Variants in BRINP3 observed in about 807,000 individuals in gnomAD.
BRINP3 encodes BMP/retinoic acid inducible neural specific 3, also known as BMP/retinoic acid-inducible neural-specific protein 3.
In BRINP3, 19 loss-of-function variants were observed where a neutral mutation model predicts 71.0. The ratio of observed to expected loss-of-function variants is 0.27; its 90% CI spans 0.19 to 0.39. The LOEUF (loss-of-function observed/expected upper bound fraction) is 0.39. BRINP3 is among the 10% of genes least tolerant of loss of function. The pLI is 1.00. For synonymous variants in BRINP3, 380 were observed against 337.7 expected (o/e 1.13, Z -1.37); for missense variants, 959 against 940.8 (o/e 1.02, Z -0.25).
chr1:190,376,217 C>A (rs909772371), intron 2 of BRINP3, among the ~76,000 whole-genome samples: 1 of 151,856 alleles, frequency 6.6e-6, no homozygotes, highest in African/African-American at 2.4e-5. Context: ...GGTTAAATAG[C>A]TGATTACCTT....
chr1:190,174,338 A>T (rs1652295490), intron 6 of BRINP3, among the ~76,000 whole-genome samples: 1 of 152,164 alleles, frequency 6.6e-6, no homozygotes, highest in South Asian at 2.1e-4. Context: ...CTCTGTGGAA[A>T]GTAATATTGA....
intron 2 of BRINP3, among the ~76,000 whole-genome samples, chr1:190,326,746 A>C (rs778845482): frequency 1.3e-5 from 2 of 152,114 alleles, no homozygotes; most frequent in Non-Finnish European, 2.9e-5. Context: ...CCAGACAAAC[A>C]AGCACTAAAA....
At chr1:190,184,511 TAA>T (rs1653330852) in intron 6 of BRINP3, among the ~76,000 whole-genome samples, 1 of 152,010 alleles carries the variant, frequency 6.6e-6, no homozygotes, top group Admixed American at 6.6e-5. Context: ...ATTAGATAAA[TAA>T]AATGTGGTCC....
chr1:190,203,166 GAGTA>G (rs1032498043), intron 6 of BRINP3, among the ~76,000 whole-genome samples: 69 of 152,044 alleles, frequency 4.5e-4, no homozygotes, highest in African/African-American at 1.5e-3. Flanking sequence ...CTTTCACAAA[GAGTA>G]AGTAAGACAC....
chr1:190,229,928 A>G (rs936680909), intron 5 of BRINP3, among the ~76,000 whole-genome samples: 7 of 152,032 alleles, frequency 4.6e-5, no homozygotes, highest in African/African-American at 1.7e-4. Flanking sequence ...TTTCAATCAC[A>G]TGATCAAAAA....
At chr1:190,106,318 TTTA>T (rs1431340543) in intron 7 of BRINP3, among the ~76,000 whole-genome samples, 2 of 151,840 alleles carry the variant, frequency 1.3e-5, no homozygotes, top group African/African-American at 4.8e-5. Context: ...ATTTCATAAT[TTTA>T]TTATCATAAA....
At chr1:190,266,289 TA>T (rs1381300750) in intron 3 of BRINP3, among the ~76,000 whole-genome samples, 3 of 152,172 alleles carry the variant, frequency 2.0e-5, no homozygotes, top group Non-Finnish European at 4.4e-5. Flanking sequence ...ATATCAATTT[TA>T]AAATGACATA....
chr1:190,389,270 C>T (rs1671098708), intron 2 of BRINP3, among the ~76,000 whole-genome samples: 1 of 151,566 alleles, frequency 6.6e-6, no homozygotes, highest in Non-Finnish European at 1.5e-5. Flanking sequence ...CTTTCCCTAC[C>T]ATCCAATCTA....
intron 7 of BRINP3, among the ~76,000 whole-genome samples, chr1:190,103,009 C>A (rs564367169): frequency 4.1e-4 from 63 of 151,974 alleles, no homozygotes; most frequent in African/African-American, 1.5e-3. Flanking sequence ...CTTTGTTCAA[C>A]CTATAATATT....
At chr1:190,103,662 T>C (rs1282072989) in intron 7 of BRINP3, among the ~76,000 whole-genome samples, 1 of 152,006 alleles carries the variant, frequency 6.6e-6, no homozygotes, top group Non-Finnish European at 1.5e-5. Context: ...TGGAGGAATA[T>C]GTCTACAAGA....
chr1:190,390,607 T>C (rs947798145), intron 2 of BRINP3, among the ~76,000 whole-genome samples: 1 of 151,642 alleles, frequency 6.6e-6, no homozygotes, highest in Non-Finnish European at 1.5e-5. Context: ...ATAATAATGA[T>C]ATTTAAATCT....
chr1:190,188,949 TG>T (rs917734633), intron 6 of BRINP3, among the ~76,000 whole-genome samples: 2 of 151,832 alleles, frequency 1.3e-5, no homozygotes, highest in East Asian at 3.9e-4. Flanking sequence ...TTAGTGGAGA[TG>T]GGGGTCTCAC....
intron 6 of BRINP3, among the ~76,000 whole-genome samples, chr1:190,167,898 T>C (rs1483823490): frequency 6.6e-6 from 1 of 152,138 alleles, no homozygotes; most frequent in Non-Finnish European, 1.5e-5. Flanking sequence ...AAGCATTAAA[T>C]GCATGGGTAA....
At chr1:190,166,163 A>G (rs1651517451) in intron 6 of BRINP3, among the ~76,000 whole-genome samples, 2 of 152,180 alleles carry the variant, frequency 1.3e-5, no homozygotes, top group South Asian at 4.1e-4. Flanking sequence ...CTGACAAAAT[A>G]CTATAATGCT....
intron 2 of BRINP3, among the ~76,000 whole-genome samples, chr1:190,397,782 C>A (rs1281836034): frequency 6.6e-6 from 1 of 151,578 alleles, no homozygotes; most frequent in African/African-American, 2.4e-5. Flanking sequence ...TAAAAATCTC[C>A]TTACAATTTA....
At chr1:190,246,019 T>G (rs1336345563) in intron 4 of BRINP3, among the ~76,000 whole-genome samples, 1 of 152,012 alleles carries the variant, frequency 6.6e-6, no homozygotes, top group Non-Finnish European at 1.5e-5. Context: ...GACATTTAGG[T>G]TGGTTCCAAG....
rs35090212 is a variant in BRINP3, at chr1:190,141,555, CTTTTTTTTTTTT to C, written c.1184+19101_1184+19112del. Among the ~76,000 whole-genome samples, 82 of 82,420 alleles carry C rather than the reference CTTTTTTTTTTTT, an allele frequency of 9.9e-4. No individual in the cohort carries two copies. The South Asian group carries it at 0.016, about 16-fold the overall frequency. 54.1% of individuals were successfully genotyped at this position (82,420 alleles called of 152,430 possible). A position where few individuals can be genotyped will look rare whatever the true frequency, so the allele number is the denominator to read the frequency against. On this transcript the variant is annotated intron_variant, in intron 7 of 7. Transcript: ENST00000367462. ...CTTTCTCTCTCTCTTTCTTTCTTTC[CTTTTTTTTTTTT>C]TTTTTTTTTTTTGAGACAGAGTCTT...
intron 3 of BRINP3, among the ~76,000 whole-genome samples, chr1:190,275,481 T>A (rs1345193065): frequency 6.6e-6 from 1 of 151,672 alleles, no homozygotes; most frequent in Admixed American, 6.6e-5. Flanking sequence ...AAACTGATGC[T>A]GATGCTTTTC....
In BRINP3 at chr1:190,234,364, C is replaced by T. The variant is rs1658315061; in HGVS notation, c.724+8G>A. 3 of 1,592,246 alleles carry T rather than the reference C, an allele frequency of 1.9e-6. No homozygotes were observed. The highest frequency in any genetic ancestry group is 2.7e-5 in the African/African-American group (2 of 74,488). ...TTGTAGAGAATTAATGAAATTTTAC[C>T]AACATACCTTGCAACTGAATCTTAT... is the stretch of plus-strand genomic sequence containing the variant. On this transcript the variant is annotated splice_region_variant and intron_variant, in intron 5 of 7. Coordinates refer to ENST00000367462, the MANE Select transcript of BRINP3 (RefSeq NM_199051.3).
Sources: gnomAD v4.1 joint callset for allele counts (sites outside exome capture counted in the v4.1 genomes callset) on GRCh38, gnomAD v4.1.1 for gene constraint, MANE v1.5 for transcripts, NCBI Gene and HGNC (gene_info 2026-07-23, HGNC 2026-07-21) for gene names.